The following ADAM32 variants were observed in gnomAD, a reference collection of about 807,000 sequenced individuals.
ADAM32 encodes disintegrin and metalloproteinase domain-containing protein 32.
Under a neutral mutation model 114.9 loss-of-function variants are expected in ADAM32, and 89 were observed. That is an observed-to-expected ratio of 0.77 (90% CI 0.65 to 0.92). The LOEUF is 0.92. ADAM32 is among the 40% of genes least tolerant of loss of function. The pLI is 0.00. For missense variants in ADAM32, 870 were observed against 932.8 expected (o/e 0.93, Z 0.88); for synonymous variants, 285 against 307.5 (o/e 0.93, Z 0.77).
At chr8:39,258,846 A>G (rs899407246) in intron 19 of ADAM32, among the ~76,000 whole-genome samples, 4 of 152,156 alleles carry the variant, frequency 2.6e-5, no homozygotes, top group Non-Finnish European at 5.9e-5. Flanking sequence ...TGAGGCAGTG[A>G]CTAAATGCAT....
At chr8:39,221,506 T>C (rs1445016041) in intron 12 of ADAM32, 104 bp from the exon 13 acceptor site, 1 of 851,412 alleles carries the variant, frequency 1.2e-6, no homozygotes, top group Non-Finnish European at 1.9e-6. Context: ...AGCATTCATA[T>C]CCTTTTCCAA....
In ADAM32 at chr8:39,122,531, T is replaced by G. The variant is rs1471872385; in HGVS notation, c.138+4366T>G. Among the ~76,000 whole-genome samples, 7 of 152,298 alleles carry G rather than the reference T, an allele frequency of 4.6e-5. No individual in the cohort carries two copies. The East Asian group carries it at 1.3e-3, about 29-fold the overall frequency. On this transcript the variant is annotated intron_variant, in intron 2 of 24. Transcript: ENST00000379907. Reference sequence around the variant, plus strand: ...ACCAGAAACCAACCTGCTAGCATATTTATCTTGGATTTCTAACATCCAGAA... The same window carrying G: ...ACCAGAAACCAACCTGCTAGCATATGTATCTTGGATTTCTAACATCCAGAA...
chr8:39,275,791 A>G (rs767032869), intron 21 of ADAM32, 37 bp from the exon 22 acceptor site: 1 of 1,538,830 alleles, frequency 6.5e-7, no homozygotes, highest in East Asian at 2.5e-5. Context: ...TGTGTTAAGT[A>G]TTAACGTGGA....
intron 11 of ADAM32, among the ~76,000 whole-genome samples, chr8:39,200,546 G>C (rs1807329701): frequency 6.6e-6 from 1 of 152,150 alleles, no homozygotes; most frequent in Non-Finnish European, 1.5e-5. Flanking sequence ...TGAGTAGATT[G>C]CAAAAATTTT....
intron 11 of ADAM32, among the ~76,000 whole-genome samples, chr8:39,200,193 C>G (rs1439599126): frequency 6.6e-6 from 1 of 152,180 alleles, no homozygotes; most frequent in Non-Finnish European, 1.5e-5. Context: ...TGAGGAATTG[C>G]CACACTGTCT....
intron 11 of ADAM32, among the ~76,000 whole-genome samples, chr8:39,209,542 A>G (rs73606772): frequency 6.6e-6 from 1 of 152,190 alleles, no homozygotes; most frequent in African/African-American, 2.4e-5. Flanking sequence ...TTGTGGATGT[A>G]TCTGGGCATT....
At chr8:39,110,488 A>C (rs375104488) in intron 1 of ADAM32, among the ~76,000 whole-genome samples, 8 of 152,366 alleles carry the variant, frequency 5.3e-5, no homozygotes, top group African/African-American at 1.9e-4. Context: ...GTTATGAATA[A>C]AGCTGCTATA....
At chr8:39,175,295 A>G (rs1805454725) in intron 10 of ADAM32, among the ~76,000 whole-genome samples, 1 of 152,224 alleles carries the variant, frequency 6.6e-6, no homozygotes, top group Admixed American at 6.5e-5. Context: ...GCTTTTGCCC[A>G]TTCAGTATGA....
intron 22 of ADAM32, among the ~76,000 whole-genome samples, chr8:39,278,495 C>A (rs900841773): frequency 1.3e-5 from 2 of 152,212 alleles, no homozygotes; most frequent in South Asian, 2.1e-4. Flanking sequence ...TGTCTAAATT[C>A]TTTCAGTATT....
Position 39,257,275 on chromosome 8 carries a change from C to A in ADAM32, c.2094C>A (p.Thr698=). Residue 698 remains threonine (T), a synonymous_variant, in exon 19 of 25, where the codon ACC becomes ACA. Coordinates refer to ENST00000379907, the MANE Select transcript of ADAM32 (RefSeq NM_145004.7). ...CTCTTCCTATTCTCATTGTAACAAC[C>A]GCAATAGTTTTGGCAAGGAAACAGT... ...LIALPILIVT[T]AIVLARKQLK... 4 of 1,612,798 alleles carry A rather than the reference C, an allele frequency of 2.5e-6. No individual in the cohort carries two copies. The highest frequency in any genetic ancestry group is 3.4e-6 in the Non-Finnish European group (4 of 1,179,336).
intron 1 of ADAM32, among the ~76,000 whole-genome samples, chr8:39,109,665 C>G (rs985839335): frequency 4.6e-5 from 7 of 152,144 alleles, no homozygotes; most frequent in South Asian, 4.1e-4. Flanking sequence ...ATATGAACAG[C>G]TTCTCCCACT....
At chr8:39,191,231 T>C (rs1374718855) in intron 11 of ADAM32, among the ~76,000 whole-genome samples, 2 of 152,238 alleles carry the variant, frequency 1.3e-5, no homozygotes, top group Admixed American at 1.3e-4. Flanking sequence ...CGTGAGTCTT[T>C]ATGATAGAAC....
chr8:39,250,464 G>C (rs1476540173), intron 17 of ADAM32, among the ~76,000 whole-genome samples: 1 of 151,750 alleles, frequency 6.6e-6, no homozygotes, highest in Non-Finnish European at 1.5e-5. Flanking sequence ...TGCCTACACT[G>C]CCCATCTGTT....
intron 18 of ADAM32, 36 bp downstream of exon 18, chr8:39,254,552 A>C: frequency 7.0e-7 from 1 of 1,433,936 alleles, no homozygotes; most frequent in Non-Finnish European, 9.4e-7. Context: ...CATTTAATAA[A>C]ATTCTCAAAT....
chr8:39,265,160 T>C (rs972451067), intron 19 of ADAM32, among the ~76,000 whole-genome samples: 1 of 152,222 alleles, frequency 6.6e-6, no homozygotes, highest in African/African-American at 2.4e-5. Flanking sequence ...TAGGAACTTG[T>C]TTTATGAATC....
chr8:39,217,196 T>A (rs2129448612), intron 12 of ADAM32, among the ~76,000 whole-genome samples: 1 of 152,220 alleles, frequency 6.6e-6, no homozygotes, highest in South Asian at 2.1e-4. Flanking sequence ...CACTCTCTCC[T>A]GACCTGTAAG....
intron 6 of ADAM32, among the ~76,000 whole-genome samples, chr8:39,156,126 A>G (rs1804135235): frequency 1.3e-5 from 2 of 152,218 alleles, no homozygotes; most frequent in Non-Finnish European, 2.9e-5. Context: ...AGGAATAACA[A>G]AACAAAAATA....
At chr8:39,205,693 T>A (rs1033787361) in intron 11 of ADAM32, among the ~76,000 whole-genome samples, 13 of 152,316 alleles carry the variant, frequency 8.5e-5, no homozygotes, top group Admixed American at 8.5e-4. Flanking sequence ...AATGCAGAAA[T>A]CACCCATCTT....
chr8:39,171,454 G>C, intron 10 of ADAM32, among the ~76,000 whole-genome samples: 1 of 152,028 alleles, frequency 6.6e-6, no homozygotes. Flanking sequence ...CTGTTTATCT[G>C]TTACTGTAGC....
Sources: allele counts gnomAD v4.1 joint callset (sites outside exome capture counted in the v4.1 genomes callset), GRCh38; gene constraint gnomAD v4.1.1; transcripts MANE v1.5; gene names NCBI Gene and HGNC (gene_info 2026-07-23, HGNC 2026-07-21).